The following SLC9C1 variants were observed in gnomAD, a reference collection of about 807,000 sequenced individuals.
The protein encoded by SLC9C1 is solute carrier family 9 member C1.
In SLC9C1, 97 loss-of-function variants were observed where a neutral mutation model predicts 140.9. The observed-to-expected ratio is 0.69, with a 90% CI of 0.58 to 0.82. SLC9C1 has a LOEUF of 0.82. SLC9C1 is among the 40% of genes least tolerant of loss of function. SLC9C1 has a pLI of 0.00. For synonymous variants in SLC9C1, 440 were observed against 442.6 expected (o/e 0.99, Z 0.07); for missense variants, 1,340 against 1,389.3 (o/e 0.96, Z 0.56).
intron 19 of SLC9C1, 127 bp from the exon 20 acceptor site, chr3:112,199,596 T>G: frequency 9.8e-6 from 6 of 610,668 alleles, no homozygotes; most frequent in Admixed American, 4.0e-5. Flanking sequence ...AATGTATCTC[T>G]TCCTGAAGGG....
intron 10 of SLC9C1, among the ~76,000 whole-genome samples, chr3:112,252,848 C>T (rs953219039): frequency 6.6e-6 from 1 of 151,710 alleles, no homozygotes; most frequent in African/African-American, 2.4e-5. Flanking sequence ...CCACAGTAGG[C>T]GAGATCTACC....
chr3:112,158,948 T>A lies in SLC9C1; in HGVS notation c.3365-3899A>T, dbSNP rs905574667. ...ATAAGGTTTTGTTAATTATCTTTTT[T>A]AAAAAAAAATATTTTTGCCAACTTT... On this transcript the variant is annotated intron_variant, in intron 26 of 28. Coordinates refer to ENST00000305815, the MANE Select transcript of SLC9C1 (RefSeq NM_183061.3). Among the ~76,000 whole-genome samples the A allele has an allele frequency of 2.4e-4, 37 of 151,634 alleles. No homozygotes were observed. In the East Asian group the frequency reaches 5.2e-3, roughly 21 times the overall value.
chr3:112,238,122 A>G (rs1404911458), intron 12 of SLC9C1, among the ~76,000 whole-genome samples: 3 of 152,214 alleles, frequency 2.0e-5, no homozygotes, highest in Non-Finnish European at 2.9e-5. Flanking sequence ...GTCTTTTCAC[A>G]TAGTCCCATA....
chr3:112,186,489 G>A (rs561850547), intron 20 of SLC9C1, among the ~76,000 whole-genome samples: 18 of 152,270 alleles, frequency 1.2e-4, no homozygotes, highest in African/African-American at 4.1e-4. Context: ...GATATATCAT[G>A]TGAGTAGATC....
chr3:112,226,425 A>G (rs2078683441), intron 13 of SLC9C1, among the ~76,000 whole-genome samples: 1 of 152,184 alleles, frequency 6.6e-6, no homozygotes, highest in South Asian at 2.1e-4. Flanking sequence ...TTTTACATCA[A>G]AAAAATAGAC....
chr3:112,157,421 G>T (rs2075156489), intron 26 of SLC9C1, among the ~76,000 whole-genome samples: 3 of 151,994 alleles, frequency 2.0e-5, no homozygotes, highest in Admixed American at 2.0e-4. Flanking sequence ...GGTAATTGTA[G>T]CTTTGTAGTA....
chr3:112,258,086 G>A (rs1032149335), intron 10 of SLC9C1, among the ~76,000 whole-genome samples: 13 of 152,142 alleles, frequency 8.5e-5, no homozygotes, highest in African/African-American at 2.7e-4. Context: ...CACTTATACA[G>A]TTAGTGGGAG....
chr3:112,153,694 T>C (rs1392107321), intron 27 of SLC9C1, among the ~76,000 whole-genome samples: 1 of 152,204 alleles, frequency 6.6e-6, no homozygotes, highest in Non-Finnish European at 1.5e-5. Flanking sequence ...GTATTGCTAT[T>C]ATCACTCTTT....
chr3:112,197,001 G>T (rs1178135557), intron 20 of SLC9C1, among the ~76,000 whole-genome samples: 1 of 151,782 alleles, frequency 6.6e-6, no homozygotes, highest in Non-Finnish European at 1.5e-5. Context: ...TGGTAATTCT[G>T]GAACTCAGAC....
chr3:112,257,742 C>T (rs1576462563), intron 10 of SLC9C1, among the ~76,000 whole-genome samples: 2 of 152,206 alleles, frequency 1.3e-5, no homozygotes, highest in South Asian at 2.1e-4. Flanking sequence ...GCAAAAGAAA[C>T]TATCAACAGA....
intron 13 of SLC9C1, among the ~76,000 whole-genome samples, chr3:112,226,643 A>C (rs796744566): frequency 6.6e-6 from 1 of 152,180 alleles, no homozygotes; most frequent in South Asian, 2.1e-4. Context: ...AATTGCTTGA[A>C]TCCAGGAGGT....
At chr3:112,218,919 A>G (rs758572936) in intron 14 of SLC9C1, among the ~76,000 whole-genome samples, 60 of 152,232 alleles carry the variant, frequency 3.9e-4, no homozygotes, top group Non-Finnish European at 1.3e-4. Flanking sequence ...TTAACCGGAT[A>G]GTGAGGCAGC....
intron 4 of SLC9C1, among the ~76,000 whole-genome samples, chr3:112,278,380 A>G (rs2080271337): frequency 6.6e-6 from 1 of 152,202 alleles, no homozygotes; most frequent in Admixed American, 6.6e-5. Flanking sequence ...GCTCTAAAAC[A>G]TAGGTATTTA....
At chr3:112,207,380 C>T (rs1210156039) in intron 16 of SLC9C1, among the ~76,000 whole-genome samples, 1 of 152,146 alleles carries the variant, frequency 6.6e-6, no homozygotes, top group Non-Finnish European at 1.5e-5. Context: ...TGATCTACGG[C>T]TCTGGATAAA....
Position 112,277,797 on chromosome 3 carries a change from A to G in SLC9C1, c.382T>C (p.Ser128Pro). ...GGCTTCAAAAGTAATTGATTTACAGATGCCAGATGCCAAAGAACTAAGATA... is the reference window on the plus strand; with the variant it reads ...GGCTTCAAAAGTAATTGATTTACAGGTGCCAGATGCCAAAGAACTAAGATA... ...NYILVLWHLA[S>P]VNQLLLKPTQ... is the part of the protein sequence containing the mutation. Residue 128 changes from serine (S) to proline (P), a missense_variant, in exon 5 of 29, where the codon TCT (serine) becomes CCT (proline). By Grantham distance (74) the Ser-to-Pro change is moderately conservative. Coordinates refer to ENST00000305815, the MANE Select transcript of SLC9C1 (RefSeq NM_183061.3). 6.2e-7 allele frequency: 1 copy of G among 1,612,604 alleles called. No individual in the cohort carries two copies. The highest frequency in any genetic ancestry group is 8.5e-7 in the Non-Finnish European group (1 of 1,179,224).
At chr3:112,171,205 G>T (rs1479829953) in intron 23 of SLC9C1, among the ~76,000 whole-genome samples, 1 of 151,758 alleles carries the variant, frequency 6.6e-6, no homozygotes, top group Non-Finnish European at 1.5e-5. Context: ...AACAGAGTGA[G>T]ACTCTGTCAG....
intron 22 of SLC9C1, among the ~76,000 whole-genome samples, chr3:112,180,186 A>G (rs982734274): frequency 3.3e-5 from 5 of 152,222 alleles, no homozygotes; most frequent in Non-Finnish European, 7.3e-5. Flanking sequence ...TCAATTTCAT[A>G]AAGTTTTCTT....
intron 14 of SLC9C1, among the ~76,000 whole-genome samples, chr3:112,220,709 T>C (rs564505712): frequency 9.8e-5 from 15 of 152,290 alleles, no homozygotes; most frequent in Admixed American, 1.3e-4. Flanking sequence ...AAATGCATGC[T>C]GAGTATTAAG....
intron 5 of SLC9C1, 31 bp from the exon 6 acceptor site, chr3:112,275,056 T>A: frequency 9.8e-6 from 15 of 1,532,522 alleles, no homozygotes; most frequent in Non-Finnish European, 1.1e-5. Flanking sequence ...AGATGTTTTT[T>A]AAAGTGAGAA....
Sources: allele counts gnomAD v4.1 joint callset (sites outside exome capture counted in the v4.1 genomes callset), GRCh38; gene constraint gnomAD v4.1.1; transcripts MANE v1.5; gene names NCBI Gene and HGNC (gene_info 2026-07-23, HGNC 2026-07-21).